RBM26: variants seen among roughly 807,000 people sequenced by gnomAD.
The protein encoded by RBM26 is RNA binding motif protein 26, also known as RNA-binding protein 26.
In RBM26, 30 loss-of-function variants were observed where a neutral mutation model predicts 123.6. The observed-to-expected ratio is 0.24, with a 90% CI of 0.18 to 0.33. The LOEUF is 0.33. Among genes scored for constraint, RBM26 ranks in the 10% least tolerant of loss-of-function variants. The pLI is 1.00. For missense variants in RBM26, 947 were observed against 1,203.6 expected, an observed-to-expected ratio of 0.79 and a Z score of 3.15; for synonymous variants, 400 against 404.4, an observed-to-expected ratio of 0.99 and a Z score of 0.13.
At chr13:79,344,116 A>G in intron 16 of RBM26, 132 bp downstream of exon 16, 1 of 705,706 alleles carries the variant, frequency 1.4e-6, no homozygotes, top group Non-Finnish European at 2.6e-6. Context: ...CATCTCCAAT[A>G]TTATCACTGA....
intron 1 of RBM26, among the ~76,000 whole-genome samples, chr13:79,383,766 A>C (rs2077256188): frequency 6.6e-6 from 1 of 152,186 alleles, no homozygotes; most frequent in Non-Finnish European, 1.5e-5. Context: ...CAGGTTGAAA[A>C]GATAAAGTGT....
chr13:79,361,972 G>A (rs535606338), intron 9 of RBM26, among the ~76,000 whole-genome samples: 1 of 152,052 alleles, frequency 6.6e-6, no homozygotes, highest in Non-Finnish European at 1.5e-5. Context: ...TTTTGGTATG[G>A]CTCCTTCTAT....
chr13:79,379,304 C>G (rs538929909), intron 1 of RBM26, among the ~76,000 whole-genome samples: 1 of 140,862 alleles, frequency 7.1e-6, no homozygotes, highest in East Asian at 2.1e-4. Flanking sequence ...GAGACCTAGG[C>G]GGGCAGATCG....
intron 1 of RBM26, among the ~76,000 whole-genome samples, chr13:79,390,639 T>C (rs188175794): frequency 5.6e-4 from 85 of 152,286 alleles, no homozygotes; most frequent in Admixed American, 2.4e-3. Context: ...GTATGCATGC[T>C]TTAGGGGTAA....
intron 19 of RBM26, among the ~76,000 whole-genome samples, chr13:79,334,710 G>A (rs1249669733): frequency 1.3e-5 from 2 of 152,082 alleles, no homozygotes; most frequent in African/African-American, 4.8e-5. Flanking sequence ...AATGGTCAAA[G>A]CCTGAGCGTT....
chr13:79,324,164 G>A (rs1593903152), intron 20 of RBM26, among the ~76,000 whole-genome samples: 1 of 151,770 alleles, frequency 6.6e-6, no homozygotes. Flanking sequence ...ATTCTGTGAG[G>A]AATTCGGAGT....
Position 79,319,077 on chromosome 13 carries a change from A to C in RBM26, c.*1544T>G. The C allele has an allele frequency of 1.0e-6, 1 of 984,408 alleles. No individual in the cohort carries two copies. The highest frequency in any genetic ancestry group is 1.2e-6 in the Non-Finnish European group (1 of 829,182). 61.0% of individuals were successfully genotyped at this position (984,408 alleles called of 1,614,324 possible). A position where few individuals can be genotyped will look rare whatever the true frequency, so the allele number is the denominator to read the frequency against. ...AACGTAGACACGAATTGCAAGGCAA[A>C]GCATTTCTATGAAATAGTGTTACCA... On this transcript the variant is annotated 3_prime_UTR_variant, in exon 22 of 22. Coordinates refer to ENST00000438737, the MANE Select transcript of RBM26 (RefSeq NM_001366735.2).
At chr13:79,368,290 T>C (rs1053995381) in intron 6 of RBM26, among the ~76,000 whole-genome samples, 2 of 152,206 alleles carry the variant, frequency 1.3e-5, no homozygotes, top group African/African-American at 2.4e-5. Context: ...CCTCCTAAAG[T>C]GCTGGGATTA....
intron 1 of RBM26, among the ~76,000 whole-genome samples, chr13:79,401,106 A>C (rs964443256): frequency 1.3e-5 from 2 of 152,228 alleles, no homozygotes; most frequent in Non-Finnish European, 1.5e-5. Flanking sequence ...AAAAATACTC[A>C]AAAGTTCAGG....
At chr13:79,349,311 T>C (rs780588588) in intron 14 of RBM26, among the ~76,000 whole-genome samples, 16 of 152,296 alleles carry the variant, frequency 1.1e-4, no homozygotes, top group East Asian at 1.9e-4. Context: ...AACTGAAGTT[T>C]TATATCTTTT....
At chr13:79,327,405 T>G (rs778916365) in intron 20 of RBM26, among the ~76,000 whole-genome samples, 2 of 152,004 alleles carry the variant, frequency 1.3e-5, no homozygotes, top group South Asian at 4.1e-4. Flanking sequence ...CTGAAAATAC[T>G]AGAAGCATTT....
rs375209835 is a variant in RBM26 at position 79,377,431 on chromosome 13, C to G, written c.275G>C (p.Ser92Thr). ...LPPPEQPSSG[S>T]LKVEFFPHQE... ...GTGTGGAAAAAATTCTACCTTCAGG[C>G]TTCCTGATGATGGCTGCTCTGGAGG... Residue 92 changes from serine to threonine, a missense_variant, in exon 3 of 22, where the codon AGC becomes ACC. Physicochemically the swap from Ser to Thr is moderately conservative, Grantham distance 58 (BLOSUM62 1). Transcript: ENST00000438737. 60 of 1,613,564 alleles carry G rather than the reference C, an allele frequency of 3.7e-5. No homozygotes were observed. Among genetic ancestry groups the G allele is most frequent in the Admixed American group, 5.0e-5 (3 of 60,002 alleles).
chr13:79,394,185 C>A (rs1431412662), intron 1 of RBM26, among the ~76,000 whole-genome samples: 2 of 152,228 alleles, frequency 1.3e-5, no homozygotes, highest in Non-Finnish European at 2.9e-5. Flanking sequence ...CTAACTGGAA[C>A]TGCCGCTCTG....
chr13:79,342,717 T>G lies in RBM26; in HGVS notation c.2374A>C (p.Lys792Gln), dbSNP rs2071623182. Residue 792 changes from lysine (K) to glutamine (Q), a missense_variant, in exon 17 of 22, where the codon AAA becomes CAA. Lys to Gln is a moderately conservative substitution (Grantham distance 53). Transcript: ENST00000438737. ...AGACAGCGTCCAGGAGAAGCAGCTT[T>G]GACCTCATCTTTCAACTTGGTAATA... ...KNITKLKDEV[K>Q]AASPGRCLPK... 1 of 1,611,998 alleles carries G rather than the reference T, an allele frequency of 6.2e-7. No individual in the cohort carries two copies. The highest frequency in any genetic ancestry group is 8.5e-7 in the Non-Finnish European group (1 of 1,178,582).
At chr13:79,336,604 T>G (rs530392094) in intron 19 of RBM26, among the ~76,000 whole-genome samples, 43 of 152,334 alleles carry the variant, frequency 2.8e-4, no homozygotes, top group African/African-American at 1.0e-3. Context: ...TCTCCCTTCT[T>G]GTAGGTCAAT....
intron 9 of RBM26, among the ~76,000 whole-genome samples, chr13:79,360,687 G>A (rs533371787): frequency 1.4e-5 from 2 of 140,696 alleles, no homozygotes; most frequent in South Asian, 4.8e-4. Context: ...AAATATGAAT[G>A]TAATGAAAGC....
intron 6 of RBM26, 95 bp downstream of exon 6, chr13:79,368,635 G>T: frequency 8.3e-7 from 1 of 1,211,642 alleles, no homozygotes; most frequent in South Asian, 1.5e-5. Context: ...ACTTTTCAGA[G>T]GTAAGTCTTT....
At position 79,319,160 on chromosome 13, in the gene RBM26, G is replaced by T; in HGVS notation, c.*1461C>A. On this transcript the variant is annotated 3_prime_UTR_variant, in exon 22 of 22. Transcript: ENST00000438737. ...AGGGGTGTATGGGGAAGAAGAAAAA[G>T]AACAGCATCCTTAAGTTACTCCACT... 1 of 984,586 alleles carries T rather than the reference G, an allele frequency of 1.0e-6. No homozygotes were observed. Among genetic ancestry groups the T allele is most frequent in the Non-Finnish European group, 1.2e-6 (1 of 829,396 alleles). The allele number at this position is 984,586 out of a possible 1,614,324, so 61.0% of individuals were successfully genotyped here.
rs529798463 is a variant in RBM26, at chr13:79,380,167, G to T, written c.72-1260C>A. ...TGTACAAGTTATTCATTGTCATATTGATTGTAAAATCAAAAATGTGCACAT... is the reference window on the plus strand; with the variant it reads ...TGTACAAGTTATTCATTGTCATATTTATTGTAAAATCAAAAATGTGCACAT... On this transcript the variant is annotated intron_variant, in intron 1 of 21. Transcript: ENST00000438737. Among the ~76,000 whole-genome samples, 172 of 152,208 alleles carry T rather than the reference G, an allele frequency of 1.1e-3. 1 individual carries two copies. The highest frequency in any genetic ancestry group is 3.9e-3 in the African/African-American group (164 of 41,544).
Sources: allele counts gnomAD v4.1 joint callset (sites outside exome capture counted in the v4.1 genomes callset), GRCh38; gene constraint gnomAD v4.1.1; transcripts MANE v1.5; gene names NCBI Gene and HGNC (gene_info 2026-07-23, HGNC 2026-07-21).